Variants in GPBP1 observed in about 807,000 individuals in gnomAD.
The protein encoded by GPBP1 is GC-rich promoter binding protein 1, also known as vasculin.
In GPBP1, 13 loss-of-function variants were observed where a neutral mutation model predicts 56.5. The ratio of observed to expected loss-of-function variants is 0.23; its 90% CI spans 0.15 to 0.37. The LOEUF (loss-of-function observed/expected upper bound fraction) is 0.37. GPBP1 is among the 10% of genes least tolerant of loss of function. GPBP1 has a pLI of 1.00. For missense variants in GPBP1, 477 were observed against 572.3 expected, an observed-to-expected ratio of 0.83 and a Z score of 1.70; for synonymous variants, 204 against 188.9, an observed-to-expected ratio of 1.08 and a Z score of -0.66.
intron 3 of GPBP1, among the ~76,000 whole-genome samples, chr5:57,226,646 G>T (rs540183729): frequency 1.1e-3 from 150 of 133,154 alleles, no homozygotes; most frequent in Non-Finnish European, 1.4e-3. Flanking sequence ...TGCAGCCTCC[G>T]CCTGCTGGGT....
At chr5:57,174,919 C>T (rs1170279771) in intron 1 of GPBP1, among the ~76,000 whole-genome samples, 3 of 152,172 alleles carry the variant, frequency 2.0e-5, no homozygotes, top group Non-Finnish European at 4.4e-5. Context: ...AGCGGGTTTG[C>T]CCTACTTCTA....
chr5:57,264,289 A>C lies in GPBP1; in HGVS notation c.*1537A>C, dbSNP rs1742025451. On this transcript the variant is annotated 3_prime_UTR_variant, in exon 12 of 12. Coordinates refer to ENST00000506184, the MANE Select transcript of GPBP1 (RefSeq NM_022913.4). ...TGTCACAATTCAATCTAATCAGCTA[A>C]AGTTAAATGTAGTTAGAATTAGCCA... 6.6e-6 allele frequency: 1 copy of C among 152,220 alleles called. No homozygotes were observed. The highest frequency in any genetic ancestry group is 1.5e-5 in the Non-Finnish European group (1 of 68,016). The allele number at this position is 152,220 out of a possible 1,614,324, so 9.4% of individuals were successfully genotyped here.
rs1422709295 is a variant in GPBP1, at chr5:57,264,253, A to C, written c.*1501A>C. ...GACCTTATACTTAAAATAAGGTTTCACTATATAATTTGTCACAATTCAATC... is the reference window on the plus strand; with the variant it reads ...GACCTTATACTTAAAATAAGGTTTCCCTATATAATTTGTCACAATTCAATC... On this transcript the variant is annotated 3_prime_UTR_variant, in exon 12 of 12. Transcript: ENST00000506184. The C allele has an allele frequency of 4.6e-5, 7 of 152,184 alleles. No individual in the cohort carries two copies. The highest frequency in any genetic ancestry group is 4.6e-4 in the Admixed American group (7 of 15,268). The allele number at this position is 152,184 out of a possible 1,614,324, so 9.4% of individuals were successfully genotyped here.
chr5:57,201,410 A>T (rs556956529), intron 2 of GPBP1, among the ~76,000 whole-genome samples: 10 of 151,898 alleles, frequency 6.6e-5, no homozygotes, highest in African/African-American at 2.2e-4. Flanking sequence ...AGTAGGGATG[A>T]TGTTTCACTG....
At chr5:57,231,656 T>G (rs1756466730) in intron 5 of GPBP1, among the ~76,000 whole-genome samples, 1 of 152,228 alleles carries the variant, frequency 6.6e-6, no homozygotes, top group African/African-American at 2.4e-5. Context: ...TACAGTCATA[T>G]TTATCTAGTT....
chr5:57,199,749 T>TC (rs1754917312), intron 2 of GPBP1, among the ~76,000 whole-genome samples: 1 of 152,056 alleles, frequency 6.6e-6, no homozygotes, highest in South Asian at 2.1e-4. Flanking sequence ...CTTTAAAACT[T>TC]CTAAATACTT....
rs1000649010 is a variant in GPBP1, at chr5:57,218,668, T to C, written c.63+4475T>C. ...TGACTATTAACATAAACTTGAGTTA[T>C]CACAGGGACTTGATAACTTGATTTC... On this transcript the variant is annotated intron_variant, in intron 3 of 11. Transcript: ENST00000506184. Among the ~76,000 whole-genome samples the C allele has an allele frequency of 3.3e-5, 5 of 152,278 alleles. No homozygotes were observed. In the East Asian group the frequency reaches 9.7e-4, roughly 29 times the overall value.
chr5:57,174,366 G>A (rs925919311), intron 1 of GPBP1, among the ~76,000 whole-genome samples, 155 bp downstream of exon 1: 43 of 152,124 alleles, frequency 2.8e-4, no homozygotes, highest in Admixed American at 2.2e-3. Flanking sequence ...GAGTGAGAGG[G>A]GGGAGAGGCG....
chr5:57,228,304 A>C (rs548234931), intron 3 of GPBP1, among the ~76,000 whole-genome samples: 219 of 152,136 alleles, frequency 1.4e-3, no homozygotes, highest in Non-Finnish European at 2.7e-3. Context: ...AAAGTACAAA[A>C]ATTAGCCAGG....
intron 3 of GPBP1, among the ~76,000 whole-genome samples, chr5:57,227,941 G>C (rs1299521720): frequency 6.6e-6 from 1 of 152,066 alleles, no homozygotes; most frequent in African/African-American, 2.4e-5. Context: ...TTTATGAACA[G>C]TAACTGTCCG....
At position 57,175,834 on chromosome 5, in the gene GPBP1, G is replaced by T. The variant is rs781652181; in HGVS notation, c.-624G>T. The T allele has an allele frequency of 2.5e-6, 1 of 396,952 alleles. No individual in the cohort carries two copies. The highest frequency in any genetic ancestry group is 4.4e-6 in the Non-Finnish European group (1 of 225,620). The allele number at this position is 396,952 out of a possible 1,614,324, so 24.6% of individuals were successfully genotyped here. A position where few individuals can be genotyped will look rare whatever the true frequency, so the allele number is the denominator to read the frequency against. On this transcript the variant is annotated 5_prime_UTR_variant, in exon 2 of 12. It removes an upstream start codon present in the reference 5' UTR. Transcript: ENST00000506184. The stretch of plus-strand genomic sequence containing the variant: ...TGACTGAGTATTGCTGAAGTTTCAT[G>T]GCAGTTTATTTTTACCTTTATTGAA...
intron 3 of GPBP1, among the ~76,000 whole-genome samples, chr5:57,220,966 ATTG>A (rs1561349866): frequency 6.6e-6 from 1 of 152,158 alleles, no homozygotes; most frequent in Non-Finnish European, 1.5e-5. Context: ...TCTTTTTAAT[ATTG>A]TTCTGAGTAA....
At chr5:57,254,494 A>G (rs535775325) in intron 10 of GPBP1, among the ~76,000 whole-genome samples, 1 of 152,230 alleles carries the variant, frequency 6.6e-6, no homozygotes, top group African/African-American at 2.4e-5. Flanking sequence ...CAGGAATTCA[A>G]GACCAGCCTG....
intron 6 of GPBP1, chr5:57,245,521 C>T (rs969356803): frequency 6.6e-6 from 1 of 152,284 alleles, no homozygotes; most frequent in Non-Finnish European, 1.5e-5. Context: ...TCTAAACTTT[C>T]CAGCTGTGAA....
chr5:57,174,527 G>T (rs982489519), intron 1 of GPBP1, among the ~76,000 whole-genome samples: 2 of 152,150 alleles, frequency 1.3e-5, no homozygotes, highest in Non-Finnish European at 2.9e-5. Flanking sequence ...CTCAGTGCTC[G>T]GCCTTCCTTC....
At chr5:57,203,335 G>A (rs567485519) in intron 2 of GPBP1, among the ~76,000 whole-genome samples, 1 of 152,220 alleles carries the variant, frequency 6.6e-6, no homozygotes, top group South Asian at 2.1e-4. Flanking sequence ...TGATAAAAAT[G>A]TAAGTAAAGC....
chr5:57,232,867 C>G (rs917970712), intron 5 of GPBP1, among the ~76,000 whole-genome samples: 4 of 152,182 alleles, frequency 2.6e-5, no homozygotes, highest in African/African-American at 9.7e-5. Context: ...GCATTTCTAA[C>G]ATAGGCATGA....
chr5:57,198,388 A>T (rs1017846404), intron 2 of GPBP1, among the ~76,000 whole-genome samples: 17 of 151,948 alleles, frequency 1.1e-4, no homozygotes, highest in African/African-American at 3.9e-4. Flanking sequence ...TGCTTTTTTA[A>T]TAGGATCTTT....
chr5:57,262,925 A>T lies in GPBP1; in HGVS notation c.*173A>T. 1.8e-6 allele frequency: 1 copy of T among 542,652 alleles called. No individual in the cohort carries two copies. The highest frequency in any genetic ancestry group is 3.0e-5 in the East Asian group (1 of 32,930). The allele number at this position is 542,652 out of a possible 1,614,324, so 33.6% of individuals were successfully genotyped here. A position where few individuals can be genotyped will look rare whatever the true frequency, so the allele number is the denominator to read the frequency against. ...AAGAATGTTTTGTTGGGCTGTGTTG[A>T]ACATTATTTCTTTGTAAATGAATGT... On this transcript the variant is annotated 3_prime_UTR_variant, in exon 12 of 12. Transcript: ENST00000506184.
Sources: allele counts gnomAD v4.1 joint callset (sites outside exome capture counted in the v4.1 genomes callset), GRCh38; gene constraint gnomAD v4.1.1; transcripts MANE v1.5; gene names NCBI Gene and HGNC (gene_info 2026-07-23, HGNC 2026-07-21).